The following TCF7L2 variants were observed in gnomAD, a reference collection of about 807,000 sequenced individuals.
TCF7L2 encodes the protein transcription factor 7-like 2.
Under a neutral mutation model 77.9 loss-of-function variants are expected in TCF7L2, and 23 were observed. The ratio of observed to expected loss-of-function variants is 0.30; its 90% CI spans 0.21 to 0.42. The LOEUF (loss-of-function observed/expected upper bound fraction) is 0.42. Among genes scored for constraint, TCF7L2 ranks in the 10% least tolerant of loss-of-function variants. The pLI is 1.00. For synonymous variants in TCF7L2, 413 were observed against 340.2 expected (o/e 1.21, Z -2.36); for missense variants, 654 against 793.1 (o/e 0.82, Z 2.11).
chr10:113,105,901 T>C (rs2062241948), intron 5 of TCF7L2, among the ~76,000 whole-genome samples: 1 of 152,188 alleles, frequency 6.6e-6, no homozygotes. Flanking sequence ...CCTGATTTAT[T>C]AAGAAGAGTT....
At chr10:112,997,096 T>C (rs2043618666) in intron 4 of TCF7L2, among the ~76,000 whole-genome samples, 1 of 152,232 alleles carries the variant, frequency 6.6e-6, no homozygotes, top group Non-Finnish European at 1.5e-5. Context: ...AGAGAAACAT[T>C]GCAGAATGTC....
intron 5 of TCF7L2, among the ~76,000 whole-genome samples, chr10:113,088,964 C>T (rs1021609020): frequency 1.3e-5 from 2 of 151,916 alleles, no homozygotes; most frequent in Non-Finnish European, 1.5e-5. Flanking sequence ...AAGATCAGCT[C>T]CCCAAACAGC....
At chr10:113,155,822 G>A (rs538335363) in intron 11 of TCF7L2, among the ~76,000 whole-genome samples, 2 of 152,314 alleles carry the variant, frequency 1.3e-5, no homozygotes, top group South Asian at 4.1e-4. Flanking sequence ...TGGGAGAGGC[G>A]CGGGCATGGA....
At chr10:113,111,949 T>G (rs951634901) in intron 5 of TCF7L2, among the ~76,000 whole-genome samples, 7 of 152,102 alleles carry the variant, frequency 4.6e-5, no homozygotes, top group African/African-American at 1.7e-4. Context: ...TAAACTTCCT[T>G]GAGGAGATGC....
intron 4 of TCF7L2, among the ~76,000 whole-genome samples, chr10:112,993,270 G>A (rs565117810): frequency 4.6e-5 from 7 of 151,884 alleles, no homozygotes; most frequent in African/African-American, 9.7e-5. Flanking sequence ...ATGTAATCCC[G>A]GCACTTTGGG....
intron 5 of TCF7L2, among the ~76,000 whole-genome samples, chr10:113,061,811 T>C (rs2056492632): frequency 6.6e-6 from 1 of 152,172 alleles, no homozygotes; most frequent in South Asian, 2.1e-4. Context: ...CACTAGCAGG[T>C]GAGGAGTTAA....
chr10:112,951,099 T>A, intron 1 of TCF7L2, 108 bp from the exon 2 acceptor site: 1 of 1,288,022 alleles, frequency 7.8e-7, no homozygotes. Context: ...CTTGTAACCC[T>A]GTTTTTTTCT....
At chr10:112,988,537 A>G (rs1038258431) in intron 4 of TCF7L2, among the ~76,000 whole-genome samples, 4 of 152,176 alleles carry the variant, frequency 2.6e-5, no homozygotes, top group African/African-American at 9.7e-5. Context: ...CCTTTTGGAG[A>G]TAGGCCGAGT....
rs1363776062 is a variant in TCF7L2 at position 113,165,775 on chromosome 10, C to G, written c.1612C>G (p.Leu538Val). 6.2e-7 allele frequency: 1 copy of G among 1,607,116 alleles called. No individual in the cohort carries two copies. Among genetic ancestry groups the G allele is most frequent in the South Asian group, 1.1e-5 (1 of 89,988 alleles). The stretch of plus-strand genomic sequence containing the variant: ...GTCCATGATGCCTCCGCCACCCGCC[C>G]TCCTGCTCGCTGAGGCCACCCACAA... Residue 538 changes from leucine (L) to valine (V), a missense_variant, in exon 14 of 14, where the codon CTC becomes GTC. Physicochemically the swap from Leu to Val is conservative, Grantham distance 32 (BLOSUM62 1). This residue lies in a region of TCF7L2 where 272 missense variants were observed against 215.4 expected (regional missense o/e 1.26). Coordinates refer to ENST00000627217, the MANE Select transcript of TCF7L2 (RefSeq NM_001146274.2).
chr10:113,015,889 A>G (rs1344461908), intron 4 of TCF7L2, among the ~76,000 whole-genome samples: 5 of 152,136 alleles, frequency 3.3e-5, no homozygotes, highest in Admixed American at 6.5e-5. Context: ...TGTGAAGGAA[A>G]CACATTGGTC....
intron 4 of TCF7L2, among the ~76,000 whole-genome samples, chr10:113,032,657 G>A (rs1590763543): frequency 6.6e-6 from 1 of 152,298 alleles, no homozygotes; most frequent in East Asian, 1.9e-4. Flanking sequence ...GTAAGTCAGG[G>A]TGAGTGAAAA....
At position 113,030,649 on chromosome 10, in the gene TCF7L2, C is replaced by T. The variant is rs563218994; in HGVS notation, c.451-9376C>T. On this transcript the variant is annotated intron_variant, in intron 4 of 13. Transcript: ENST00000627217. ...GTTCTTCCAGGAGCTTGCAAGCATC[C>T]ATTATTTGTTAGTCATCAGCTTAGC... 7.2e-5 allele frequency among the ~76,000 whole-genome samples: 11 copies of T among 152,334 alleles called. 1 individual carries two copies. In the East Asian group the frequency reaches 2.1e-3, roughly 29 times the overall value.
chr10:113,107,957 C>G (rs183876502), intron 5 of TCF7L2, among the ~76,000 whole-genome samples: 1 of 152,062 alleles, frequency 6.6e-6, no homozygotes, highest in East Asian at 1.9e-4. Context: ...GCAGTGAACC[C>G]TAGTAAAAAC....
At chr10:113,097,646 G>GAAAAAAAAAAAAAAACAAAAA (rs2061156607) in intron 5 of TCF7L2, among the ~76,000 whole-genome samples, 1 of 36,734 alleles carries the variant, frequency 2.7e-5, no homozygotes, top group African/African-American at 1.1e-4. Context: ...TCTTGTCTCG[G>GAAAAAAAAAAAAAAACAAAAA]AAAAAAAAAA....
intron 5 of TCF7L2, among the ~76,000 whole-genome samples, chr10:113,050,510 A>G (rs1001785410): frequency 6.6e-6 from 1 of 152,162 alleles, no homozygotes; most frequent in East Asian, 1.9e-4. Context: ...GGAGACGCCA[A>G]CCTTGATGGG....
In TCF7L2 at chr10:112,977,211, G is replaced by A. The variant is rs141678466; in HGVS notation, c.450+12587G>A. Among the ~76,000 whole-genome samples, 689 of 152,228 alleles carry A rather than the reference G, an allele frequency of 4.5e-3. 9 individuals are homozygous for A. Among genetic ancestry groups the A allele is most frequent in the South Asian group, 0.027 (128 of 4,830 alleles). ...TGAAGCACCAGAATAAATAGCTTTG[G>A]TTGCAAACCAGAAATCTTCCAAGGC... On this transcript the variant is annotated intron_variant, in intron 4 of 13. Transcript: ENST00000627217.
intron 5 of TCF7L2, among the ~76,000 whole-genome samples, chr10:113,117,408 TCTCTCTCTCTCTCTCTCTCTCTCTCC>T (rs1564916316): frequency 0.017 from 750 of 45,260 alleles, 87 homozygotes; most frequent in African/African-American, 0.034. Flanking sequence ...TCTCTCTCTC[TCTCTCTCTCTCTCTCTCTCTCTCTCC>T]CTCTCTCTCT....
chr10:113,113,550 T>C (rs908077124), intron 5 of TCF7L2, among the ~76,000 whole-genome samples: 8 of 152,174 alleles, frequency 5.3e-5, no homozygotes, highest in African/African-American at 1.9e-4. Context: ...GAAGGAGATG[T>C]GAGGCATTTC....
At chr10:112,973,852 A>ATCAGG (rs1294628198) in intron 4 of TCF7L2, among the ~76,000 whole-genome samples, 13 of 152,244 alleles carry the variant, frequency 8.5e-5, no homozygotes, top group Admixed American at 4.6e-4. Context: ...GGCCTCCCAA[A>ATCAGG]GTACTGGGAT....
Sources: allele counts gnomAD v4.1 joint callset (sites outside exome capture counted in the v4.1 genomes callset), GRCh38; gene constraint gnomAD v4.1.1; regional missense constraint gnomAD v4.1.1; transcripts MANE v1.5; gene names NCBI Gene and HGNC (gene_info 2026-07-23, HGNC 2026-07-21).